Variants in FREM1 observed in about 807,000 individuals in gnomAD.
The protein encoded by FREM1 is FRAS1 related extracellular matrix 1.
In FREM1, 220 loss-of-function variants were observed where a neutral mutation model predicts 210.1. The ratio of observed to expected loss-of-function variants is 1.05; its 90% CI spans 0.94 to 1.17. The LOEUF (loss-of-function observed/expected upper bound fraction) is 1.17, where lower values mean the gene tolerates loss of function less well. FREM1 is among the 50% of genes most tolerant of loss of function. The pLI, the probability that FREM1 is intolerant of heterozygous loss-of-function variation, is 0.00. For synonymous variants in FREM1, 1,189 were observed against 980.2 expected (o/e 1.21, Z -3.98); for missense variants, 3,454 against 2,675.5 (o/e 1.29, Z -6.42).
chr9:14,876,011 C>T (rs1833650808), intron 1 of FREM1, among the ~76,000 whole-genome samples: 1 of 152,194 alleles, frequency 6.6e-6, no homozygotes, highest in Non-Finnish European at 1.5e-5. Flanking sequence ...ACCGCAAATG[C>T]TGCTGTCTGA....
At chr9:14,892,773 G>A (rs796260142) in intron 1 of FREM1, among the ~76,000 whole-genome samples, 13 of 152,222 alleles carry the variant, frequency 8.5e-5, no homozygotes, top group African/African-American at 3.1e-4. Flanking sequence ...GCTGCAATGG[G>A]TGGGTCTTTC....
In FREM1 at chr9:14,851,497, G is replaced by A; in HGVS notation, c.939C>T (p.Thr313=). ...FILEVDQFIL[T]SLTTSVLDCE... is the part of the protein sequence containing the mutation. ...AGTCCAGAACTGATGTAGTCAAGGAGGTCAGGATGAACTGATCCACTTCCA... is the reference window on the plus strand; with the variant it reads ...AGTCCAGAACTGATGTAGTCAAGGAAGTCAGGATGAACTGATCCACTTCCA... Residue 313 remains threonine (T), a synonymous_variant, in exon 6 of 37, where the codon ACC becomes ACT. Coordinates refer to ENST00000380880, the MANE Select transcript of FREM1 (RefSeq NM_001379081.2). 1 of 1,613,940 alleles carries A rather than the reference G, an allele frequency of 6.2e-7. No individual in the cohort carries two copies. The highest frequency in any genetic ancestry group is 8.5e-7 in the Non-Finnish European group (1 of 1,179,822).
chr9:14,860,634 T>TATATAC lies in FREM1; in HGVS notation c.330-1151_330-1150insGTATAT, dbSNP rs1588426496. ...ATACACACATATATATACACATATA[T>TATATAC]ACACATGTATACATATATACACATA... On this transcript the variant is annotated intron_variant, in intron 3 of 36. Coordinates refer to ENST00000380880, the MANE Select transcript of FREM1 (RefSeq NM_001379081.2). Among the ~76,000 whole-genome samples the TATATAC allele has an allele frequency of 7.4e-5, 10 of 135,776 alleles. No individual in the cohort carries two copies. The East Asian group carries it at 1.9e-3, about 25-fold the overall frequency. The allele number at this position is 135,776 out of a possible 152,430, so 89.1% of individuals were successfully genotyped here.
intron 23 of FREM1, among the ~76,000 whole-genome samples, chr9:14,785,774 T>C (rs1850330488): frequency 6.6e-6 from 1 of 151,940 alleles, no homozygotes; most frequent in Non-Finnish European, 1.5e-5. Flanking sequence ...GAGGGGGAAA[T>C]GAGGAGTCAT....
At chr9:14,814,629 T>C (rs1819978260) in intron 15 of FREM1, among the ~76,000 whole-genome samples, 1 of 152,212 alleles carries the variant, frequency 6.6e-6, no homozygotes, top group Admixed American at 6.5e-5. Flanking sequence ...GTCCCCTGAG[T>C]GAATTCATTT....
intron 1 of FREM1, among the ~76,000 whole-genome samples, chr9:14,871,854 C>A (rs201435180): frequency 3.3e-5 from 5 of 152,034 alleles, no homozygotes; most frequent in East Asian, 1.9e-4. Context: ...GGTGTAAGGA[C>A]GGGATCCAGT....
At chr9:14,794,997 CAAAAA>C (rs36009556) in intron 21 of FREM1, among the ~76,000 whole-genome samples, 23 of 120,750 alleles carry the variant, frequency 1.9e-4, no homozygotes, top group Admixed American at 5.0e-4. Context: ...GACTTTCTCT[CAAAAA>C]AAAAAAAAAA....
At chr9:14,885,027 C>T (rs1258996655) in intron 1 of FREM1, among the ~76,000 whole-genome samples, 2 of 139,788 alleles carry the variant, frequency 1.4e-5, no homozygotes, top group African/African-American at 5.8e-5. Flanking sequence ...CGGGTTCACG[C>T]CATTCTCCTG....
Position 14,756,320 on chromosome 9 carries a change from C to CA in FREM1, c.5407+53dup, listed in dbSNP as rs57793294. The CA allele has an allele frequency of 0.45, 548,348 of 1,209,950 alleles. 101,533 individuals carry two copies. Among genetic ancestry groups the CA allele is most frequent in the East Asian group, 0.49 (18,218 of 37,340 alleles). 75.0% of individuals were successfully genotyped at this position (1,209,950 alleles called of 1,614,324 possible). On this transcript the variant is annotated intron_variant, in intron 29 of 36. Coordinates refer to ENST00000380880, the MANE Select transcript of FREM1 (RefSeq NM_001379081.2). ...TCTCTACAATCTCCAGACATGCCTA[C>CA]AAAAAAAAACAAAAAACAAAACACA...
intron 19 of FREM1, among the ~76,000 whole-genome samples, chr9:14,804,736 C>T (rs992752470): frequency 7.9e-5 from 12 of 151,998 alleles, no homozygotes; most frequent in Non-Finnish European, 1.6e-4. Flanking sequence ...TTTTTTCTCT[C>T]TCATAATTAC....
chr9:14,897,171 T>C (rs1446125166), intron 1 of FREM1, among the ~76,000 whole-genome samples: 1 of 152,230 alleles, frequency 6.6e-6, no homozygotes, highest in Non-Finnish European at 1.5e-5. Flanking sequence ...ATAATAAGCA[T>C]GTATTATGCA....
At chr9:14,904,572 A>C (rs577559473) in intron 1 of FREM1, among the ~76,000 whole-genome samples, 1 of 151,934 alleles carries the variant, frequency 6.6e-6, no homozygotes. Context: ...CAGATGTTTG[A>C]AGGGGAGTGA....
Position 14,737,166 on chromosome 9 carries a change from G to C in FREM1, c.*230C>G. On this transcript the variant is annotated 3_prime_UTR_variant, in exon 37 of 37. Transcript: ENST00000380880. The stretch of plus-strand genomic sequence containing the variant: ...AAACCTTACACTTTATAATACTGCT[G>C]GCATTTATTTTAAAAGGTATTGAGA... 1 of 433,422 alleles carries C rather than the reference G, an allele frequency of 2.3e-6. No individual in the cohort carries two copies. Among genetic ancestry groups the C allele is most frequent in the Non-Finnish European group, 4.1e-6 (1 of 246,878 alleles). 26.8% of individuals were successfully genotyped at this position (433,422 alleles called of 1,614,324 possible).
chr9:14,866,245 A>T (rs1296283260), intron 2 of FREM1, among the ~76,000 whole-genome samples: 1 of 152,160 alleles, frequency 6.6e-6, no homozygotes, highest in African/African-American at 2.4e-5. Context: ...GATGGAGATG[A>T]CTTGCAGGCC....
intron 29 of FREM1, among the ~76,000 whole-genome samples, chr9:14,752,771 A>C (rs939504180): frequency 1.3e-5 from 2 of 152,212 alleles, no homozygotes; most frequent in Non-Finnish European, 2.9e-5. Context: ...ATGTAAATAA[A>C]ATCCAATACA....
At chr9:14,738,991 C>T (rs956643486) in intron 36 of FREM1, among the ~76,000 whole-genome samples, 1 of 109,918 alleles carries the variant, frequency 9.1e-6, no homozygotes, top group African/African-American at 3.7e-5. Flanking sequence ...GCCTGGGTGA[C>T]ACAGTGAGAT....
chr9:14,798,574 C>G (rs1852885451), intron 20 of FREM1, among the ~76,000 whole-genome samples: 1 of 152,162 alleles, frequency 6.6e-6, no homozygotes, highest in African/African-American at 2.4e-5. Context: ...CATCCCACTT[C>G]ACTCAAGCCT....
chr9:14,873,137 G>C (rs1426430959), intron 1 of FREM1, among the ~76,000 whole-genome samples: 1 of 151,860 alleles, frequency 6.6e-6, no homozygotes, highest in Non-Finnish European at 1.5e-5. Context: ...TCTCTTTTTT[G>C]GTTGTGTCTC....
At chr9:14,737,616 G>A (rs1347695525) in intron 36 of FREM1, 21 bp from the exon 37 acceptor site, 3 of 1,479,108 alleles carry the variant, frequency 2.0e-6, no homozygotes, top group African/African-American at 2.8e-5. Flanking sequence ...CCAAAAGAAT[G>A]TACCAATTAC....
Sources: allele counts gnomAD v4.1 joint callset (sites outside exome capture counted in the v4.1 genomes callset), GRCh38; gene constraint gnomAD v4.1.1; transcripts MANE v1.5; gene names NCBI Gene and HGNC (gene_info 2026-07-23, HGNC 2026-07-21).